Variants in SLC22A7 observed in about 807,000 individuals in gnomAD.
SLC22A7 encodes hOAT2.
SLC22A7 carries 48 observed loss-of-function variants against 62.2 expected under a neutral mutation model. The observed-to-expected ratio is 0.77, with a 90% CI of 0.61 to 0.98. SLC22A7 has a LOEUF of 0.98. Among genes scored for constraint, SLC22A7 ranks in the 50% least tolerant of loss-of-function variants. The pLI is 0.00. For synonymous variants in SLC22A7, 276 were observed against 314.8 expected (o/e 0.88, Z 1.30); for missense variants, 581 against 703.8 (o/e 0.83, Z 1.97).
At position 43,299,086 on chromosome 6, in the gene SLC22A7, T is replaced by C. The variant is rs769198077; in HGVS notation, c.394-6T>C. On this transcript the variant is annotated splice_region_variant and splice_polypyrimidine_tract_variant and intron_variant, in intron 1 of 10. Transcript: ENST00000372585. The surrounding 1 kb of genome is among the most constrained non-coding windows in gnomAD (Gnocchi z 4.4). ...AGGCCTTCTTTTCTCCCTTCCTCTT[T>C]TCCAGTCCCAGGTCGGTATTTACAT... is the stretch of plus-strand genomic sequence containing the variant. 1 of 1,595,500 alleles carries C rather than the reference T, an allele frequency of 6.3e-7. No homozygotes were observed. Among genetic ancestry groups the C allele is most frequent in the Non-Finnish European group, 8.5e-7 (1 of 1,170,434 alleles).
intron 9 of SLC22A7, chr6:43,303,028 T>G (rs1397256409): frequency 1.2e-6 from 1 of 802,190 alleles, no homozygotes; most frequent in East Asian, 1.3e-4. Context: ...CTCTCACTCG[T>G]TCTCCACACT....
upstream of SLC22A7, among the ~76,000 whole-genome samples, chr6:43,297,060 CCT>C (rs548395827): frequency 8.4e-4 from 128 of 152,238 alleles, no homozygotes; most frequent in African/African-American, 2.2e-3. Context: ...ATTGTCACCC[CCT>C]GTCACTGCCA....
rs1228640891 is a variant in SLC22A7 at position 43,305,342 on chromosome 6, A to G, written c.*617A>G. 1.3e-5 allele frequency: 3 copies of G among 225,656 alleles called. No homozygotes were observed. The Admixed American group carries it at 1.6e-4, about 12-fold the overall frequency. 14.0% of individuals were successfully genotyped at this position (225,656 alleles called of 1,614,324 possible). On this transcript the variant is annotated 3_prime_UTR_variant, in exon 11 of 11. Coordinates refer to ENST00000372585, the MANE Select transcript of SLC22A7 (RefSeq NM_153320.2). ...GCCAGGCCCAAGGGACAAAAAGAAC[A>G]GAGCTTTTTGTTCTCATGGCTGGCC...
intron 9 of SLC22A7, among the ~76,000 whole-genome samples, chr6:43,303,351 T>C (rs1303719857): frequency 6.6e-6 from 1 of 152,044 alleles, no homozygotes; most frequent in African/African-American, 2.4e-5. Context: ...TCCTAGCTAT[T>C]TGGGAGGCTG....
chr6:43,304,545 G>A (rs1778873717), intron 10 of SLC22A7, 126 bp from the exon 11 acceptor site: 1 of 762,312 alleles, frequency 1.3e-6, no homozygotes, highest in Non-Finnish European at 2.2e-6. Context: ...ATGTGTGTGA[G>A]TCACTTGTAC....
In SLC22A7 at chr6:43,299,073, C is replaced by T. The variant is rs1778639587; in HGVS notation, c.394-19C>T. On this transcript the variant is annotated intron_variant, in intron 1 of 10. Transcript: ENST00000372585. This position sits in a 1 kb window ranked among gnomAD's most constrained non-coding sequence, Gnocchi z 4.4. ...GGAGAAACAATAGAGGCCTTCTTTT[C>T]TCCCTTCCTCTTTTCCAGTCCCAGG... 1.9e-6 allele frequency: 3 copies of T among 1,580,522 alleles called. No homozygotes were observed. The highest frequency in any genetic ancestry group is 2.7e-5 in the African/African-American group (2 of 73,640).
chr6:43,298,650 A>G lies in SLC22A7; in HGVS notation c.292A>G (p.Arg98Gly), dbSNP rs1194000662. The G allele has an allele frequency of 6.3e-7, 1 of 1,582,152 alleles. No individual in the cohort carries two copies. Among genetic ancestry groups the G allele is most frequent in the Non-Finnish European group, 8.6e-7 (1 of 1,161,982 alleles). Residue 98 changes from arginine to glycine, a missense_variant, in exon 1 of 11, where the codon AGG (arginine) becomes GGG (glycine). By Grantham distance (125) the Arg-to-Gly change is moderately radical (BLOSUM62 -2). Coordinates refer to ENST00000372585, the MANE Select transcript of SLC22A7 (RefSeq NM_153320.2). ...ALPNTTLGEE[R>G]QSRGELEDEP... ...CCCCAACACCACGTTGGGGGAAGAA[A>G]GGCAGAGCCGTGGGGAGCTGGAGGA...
In SLC22A7 at chr6:43,302,168, G is replaced by A. The variant is rs760266972; in HGVS notation, c.1062-32G>A. The A allele has an allele frequency of 1.3e-6, 2 of 1,523,674 alleles. No individual in the cohort carries two copies. Among genetic ancestry groups the A allele is most frequent in the Admixed American group, 3.8e-5 (2 of 52,726 alleles). The allele number at this position is 1,523,674 out of a possible 1,614,324, so 94.4% of individuals were successfully genotyped here. A position where few individuals can be genotyped will look rare whatever the true frequency, so the allele number is the denominator to read the frequency against. The stretch of plus-strand genomic sequence containing the variant: ...GAGGCCAAAGAGGGATGGGAAGGAG[G>A]GTCCGCCAAGTGGCACTGAGACTCC... On this transcript the variant is annotated intron_variant, in intron 7 of 10. Coordinates refer to ENST00000372585, the MANE Select transcript of SLC22A7 (RefSeq NM_153320.2). This position sits in a 1 kb window ranked among gnomAD's most constrained non-coding sequence, Gnocchi z 5.0.
Position 43,304,164 on chromosome 6 carries a change from G to A in SLC22A7, c.1512G>A (p.Leu504=), listed in dbSNP as rs1482883699. The A allele has an allele frequency of 6.2e-7, 1 of 1,604,080 alleles. No individual in the cohort carries two copies. Among genetic ancestry groups the A allele is most frequent in the South Asian group, 1.1e-5 (1 of 89,792 alleles). The change falls in exon 10 of 11, where the codon CTG becomes CTA. Residue 504 remains leucine, a synonymous_variant. Coordinates refer to ENST00000372585, the MANE Select transcript of SLC22A7 (RefSeq NM_153320.2). ...PKLTYGGIAL[L]AAGTALLLPE... Reference sequence around the variant, plus strand: ...TTACTTATGGGGGGATCGCCCTGCTGGCTGCCGGCACCGCCCTCCTGCTGC... The same window carrying A: ...TTACTTATGGGGGGATCGCCCTGCTAGCTGCCGGCACCGCCCTCCTGCTGC...
At position 43,299,244 on chromosome 6, in the gene SLC22A7, A is replaced by C. The variant is rs1263688815; in HGVS notation, c.400-146A>C. The C allele has an allele frequency of 5.0e-6, 8 of 1,609,610 alleles. No individual in the cohort carries two copies. The highest frequency in any genetic ancestry group is 1.3e-5 in the African/African-American group (1 of 74,822). On this transcript the variant is annotated intron_variant, in intron 2 of 10. Transcript: ENST00000372585. This position sits in a 1 kb window ranked among gnomAD's most constrained non-coding sequence, Gnocchi z 4.4. ...TTTCCTATTCCCCAAGCTGGCGTGA[A>C]TCGTTGGGAGGTTTATTATCTGGCA...
At chr6:43,301,831 G>A (rs965982106) in intron 7 of SLC22A7, 139 bp downstream of exon 7, 11 of 637,172 alleles carry the variant, frequency 1.7e-5, no homozygotes, top group African/African-American at 1.3e-4. Context: ...CTCCATGGGC[G>A]ATCTGCCTGG....
rs1209232358 is a variant in SLC22A7 at position 43,302,414 on chromosome 6, G to A, written c.1276G>A (p.Asp426Asn). The change falls in exon 8 of 11, where the codon GAT (aspartate) becomes AAT (asparagine). Residue 426 changes from aspartate (D) to asparagine (N), a missense_variant and splice_region_variant. By Grantham distance (23) the Asp-to-Asn change is conservative. Transcript: ENST00000372585. This position sits in a 1 kb window ranked among gnomAD's most constrained non-coding sequence, Gnocchi z 5.0. Reference sequence around the variant, plus strand: ...CGGCACTAGACTGCTAGTGTCCTCCGGTGAGCCCAGTCCCATAGGTTCTGC... The same window carrying A: ...CGGCACTAGACTGCTAGTGTCCTCCAGTGAGCCCAGTCCCATAGGTTCTGC... ...AFGTRLLVSS[D>N]MKSWSTVLAV... 1 of 1,570,232 alleles carries A rather than the reference G, an allele frequency of 6.4e-7. No individual in the cohort carries two copies. The highest frequency in any genetic ancestry group is 8.6e-7 in the Non-Finnish European group (1 of 1,159,824).
upstream of SLC22A7, chr6:43,298,199 G>C (rs1778601363): frequency 1.6e-6 from 1 of 628,184 alleles, no homozygotes; most frequent in African/African-American, 1.9e-5. Context: ...GGCTGGGGAG[G>C]GCCCAGTCCT....
chr6:43,297,750 G>C (rs941338850), upstream of SLC22A7, among the ~76,000 whole-genome samples: 2 of 152,324 alleles, frequency 1.3e-5, no homozygotes, highest in Admixed American at 1.3e-4. Context: ...CAAGTTGCCC[G>C]GTGTGATCAC....
upstream of SLC22A7, among the ~76,000 whole-genome samples, chr6:43,297,297 C>G (rs889849073): frequency 1.3e-5 from 2 of 152,132 alleles, no homozygotes; most frequent in Admixed American, 6.5e-5. Context: ...TTGTGTGACC[C>G]CAGCAGGTCC....
rs746686377 is a variant in SLC22A7 at position 43,304,991 on chromosome 6, G to A, written c.*266G>A. The A allele has an allele frequency of 5.0e-5, 17 of 342,522 alleles. No individual in the cohort carries two copies. The highest frequency in any genetic ancestry group is 7.4e-5 in the Non-Finnish European group (14 of 189,448). The allele number at this position is 342,522 out of a possible 1,614,324, so 21.2% of individuals were successfully genotyped here. Reference sequence around the variant, plus strand: ...AAGGTGCCCCTTGGGTTGGGGCAGTGGTGACGAGCTGTGGGAAGAGCCCTG... The same window carrying A: ...AAGGTGCCCCTTGGGTTGGGGCAGTAGTGACGAGCTGTGGGAAGAGCCCTG... On this transcript the variant is annotated 3_prime_UTR_variant, in exon 11 of 11. Transcript: ENST00000372585.
Position 43,299,957 on chromosome 6 carries a change from T to C in SLC22A7, c.718T>C (p.Trp240Arg). 6.2e-7 allele frequency: 1 copy of C among 1,614,140 alleles called. No individual in the cohort carries two copies. Among genetic ancestry groups the C allele is most frequent in the South Asian group, 1.1e-5 (1 of 91,082 alleles). ...GGCTGGAGTCCTGAGCAGCACCTTC[T>C]GGACAGGGGGCGTGATGCTGCTGGC... ...TVAGVLSSTF[W>R]TGGVMLLALV... Residue 240 changes from tryptophan (W) to arginine (R), a missense_variant, in exon 5 of 11, where the codon TGG (tryptophan) becomes CGG (arginine). Trp to Arg is a moderately radical substitution (Grantham distance 101). Coordinates refer to ENST00000372585, the MANE Select transcript of SLC22A7 (RefSeq NM_153320.2). This position sits in a 1 kb window ranked among gnomAD's most constrained non-coding sequence, Gnocchi z 4.4.
upstream of SLC22A7, among the ~76,000 whole-genome samples, chr6:43,296,765 C>A (rs1205896753): frequency 6.6e-6 from 1 of 152,090 alleles, no homozygotes; most frequent in East Asian, 1.9e-4. Context: ...AGGATCTAGT[C>A]CTAGGGAAGT....
intron 9 of SLC22A7, among the ~76,000 whole-genome samples, chr6:43,303,617 G>A (rs968186392): frequency 2.0e-5 from 3 of 152,164 alleles, no homozygotes; most frequent in African/African-American, 7.2e-5. Context: ...AAGGCCCGGG[G>A]TTGGGGGGGT....
Sources: gnomAD v4.1 joint callset for allele counts (sites outside exome capture counted in the v4.1 genomes callset) on GRCh38, gnomAD v4.1.1 for gene constraint, Gnocchi (gnomAD v3.1) non-coding constraint, MANE v1.5 for transcripts, NCBI Gene and HGNC (gene_info 2026-07-23, HGNC 2026-07-21) for gene names.